TELO2: variants seen among roughly 807,000 people sequenced by gnomAD.
TELO2 encodes the protein telomere maintenance 2, also known as telomere length regulation protein TEL2 homolog.
Under a neutral mutation model 91.0 loss-of-function variants are expected in TELO2, and 71 were observed. That is an observed-to-expected ratio of 0.78 (90% confidence interval 0.64 to 0.95). TELO2 has a LOEUF of 0.95. Ranked by LOEUF, TELO2 falls within the 40% of genes least tolerant of loss-of-function variation. The probability of loss-of-function intolerance (pLI) is 0.00; values close to 1 mark genes in which losing one functional copy is unlikely to be tolerated. For synonymous variants in TELO2, 584 were observed against 518.9 expected, an observed-to-expected ratio of 1.13 and a Z score of -1.71; for missense variants, 1,183 against 1,141.3, an observed-to-expected ratio of 1.04 and a Z score of -0.53.
Position 1,494,276 on chromosome 16 carries a change from T to C in TELO2, c.-6T>C, listed in dbSNP as rs748095247. The C allele has an allele frequency of 1.4e-5, 22 of 1,610,974 alleles. No individual in the cohort carries two copies. The highest frequency in any genetic ancestry group is 1.8e-5 in the Non-Finnish European group (21 of 1,178,482). ...CTTCCCGTGACGCCCAGATCTGTCC[T>C]GCAGGATGGAGCCAGCACCCTCAGA... is the stretch of plus-strand genomic sequence containing the variant. On this transcript the variant is annotated 5_prime_UTR_variant, in exon 2 of 21. Transcript: ENST00000262319. The surrounding 1 kb of genome is among the most constrained non-coding windows in gnomAD (Gnocchi z 5.6).
Position 1,499,243 on chromosome 16 carries a change from T to A in TELO2, c.843T>A (p.Leu281=), listed in dbSNP as rs758900311. The A allele has an allele frequency of 6.2e-6, 10 of 1,613,844 alleles. No homozygotes were observed. The highest frequency in any genetic ancestry group is 5.9e-6 in the Non-Finnish European group (7 of 1,180,012). ...LVEAALGPEV[L]SRLLGNLVVK... ...CTCTGTCTTGCAGGCCTGAGGTCCTTTCGAGACTGCTGGGGAACCTGGTGG... is the reference window on the plus strand; with the variant it reads ...CTCTGTCTTGCAGGCCTGAGGTCCTATCGAGACTGCTGGGGAACCTGGTGG... Residue 281 remains leucine (L), a synonymous_variant, in exon 6 of 21, where the codon CTT becomes CTA. Coordinates refer to ENST00000262319, the MANE Select transcript of TELO2 (RefSeq NM_016111.4).
rs900147060 is a variant in TELO2 at position 1,500,590 on chromosome 16, T to A, written c.1172T>A (p.Val391Glu). ...CTGCTGGCCAGCATGATGGCGGGCG[T>A]GAAGTGCCGCCTGGACAGTAGCCTG... ...DELLASMMAG[V>E]KCRLDSSLPP... Residue 391 changes from valine (V) to glutamate (E), a missense_variant, in exon 9 of 21, where the codon GTG (valine) becomes GAG (glutamate). Transcript: ENST00000262319. The A allele has an allele frequency of 2.5e-6, 4 of 1,611,828 alleles. No individual in the cohort carries two copies. The African/African-American group carries it at 5.3e-5, about 22-fold the overall frequency.
rs1422573902 is a variant in TELO2 at position 1,497,547 on chromosome 16, G to A, written c.830+39G>A. 7.9e-6 allele frequency: 12 copies of A among 1,522,630 alleles called. No individual in the cohort carries two copies. Among genetic ancestry groups the A allele is most frequent in the Admixed American group, 6.0e-5 (3 of 49,936 alleles). The allele number at this position is 1,522,630 out of a possible 1,614,324, so 94.3% of individuals were successfully genotyped here. On this transcript the variant is annotated intron_variant, in intron 5 of 20. Transcript: ENST00000262319. The surrounding 1 kb of genome is among the most constrained non-coding windows in gnomAD (Gnocchi z 4.0). ...CTGTCCTCCAGCTGCACTGGCTTCTGGGGTCTGGACCCCCAGAGGCTGCCA... is the reference window on the plus strand; with the variant it reads ...CTGTCCTCCAGCTGCACTGGCTTCTAGGGTCTGGACCCCCAGAGGCTGCCA...
Position 1,502,417 on chromosome 16 carries a change from C to T in TELO2, c.1653+13C>T, listed in dbSNP as rs779745572. On this transcript the variant is annotated intron_variant, in intron 13 of 20. Coordinates refer to ENST00000262319, the MANE Select transcript of TELO2 (RefSeq NM_016111.4). ...AGCCACTCGGGAGGTGAGTGGGGGG[C>T]GGGAGTGGGTGGGGAGGCCCAAGAT... 2.0e-5 allele frequency: 26 copies of T among 1,330,908 alleles called. No homozygotes were observed. Among genetic ancestry groups the T allele is most frequent in the African/African-American group, 4.3e-5 (3 of 70,112 alleles). 82.4% of individuals were successfully genotyped at this position (1,330,908 alleles called of 1,614,324 possible).
intron 14 of TELO2, 81 bp downstream of exon 14, chr16:1,502,842 T>G: frequency 6.2e-7 from 1 of 1,602,886 alleles, no homozygotes; most frequent in Non-Finnish European, 8.5e-7. Context: ...GTCTCGGTCC[T>G]GTGCTGGAGC....
chr16:1,509,988 GAGC>G lies in TELO2; in HGVS notation c.*56_*58del. 6.7e-7 allele frequency: 1 copy of G among 1,492,188 alleles called. No homozygotes were observed. The allele number at this position is 1,492,188 out of a possible 1,614,324, so 92.4% of individuals were successfully genotyped here. On this transcript the variant is annotated 3_prime_UTR_variant, in exon 21 of 21. Transcript: ENST00000262319. ...CTCGCCGACAGCAAGGCAGGCGGCT[GAGC>G]AGCGGCCTGGAGCAGCAGAGCCAGG... is the stretch of plus-strand genomic sequence containing the variant.
rs2141070143 is a variant in TELO2, at chr16:1,507,363, A to G, written c.2284A>G (p.Ile762Val). The G allele has an allele frequency of 6.2e-7, 1 of 1,610,796 alleles. No individual in the cohort carries two copies. ...ATTCGTGTGGGCCCTTCGCTTCCAC[A>G]TCGATGCGTGAGTGGCCTGTGGGGC... ...LEFVWALRFHIDAYVRQGLLS... is the reference protein window; with the variant it reads ...LEFVWALRFHVDAYVRQGLLS... Residue 762 changes from isoleucine (I) to valine (V), a missense_variant, in exon 19 of 21, where the codon ATC becomes GTC. Physicochemically the swap from Ile to Val is conservative, Grantham distance 29. Coordinates refer to ENST00000262319, the MANE Select transcript of TELO2 (RefSeq NM_016111.4).
chr16:1,501,381 A>T, intron 9 of TELO2, 39 bp from the exon 10 acceptor site: 1 of 1,598,588 alleles, frequency 6.3e-7, no homozygotes, highest in Non-Finnish European at 8.5e-7. Context: ...GGGGCGCTGC[A>T]GCCTGGCGGA....
In TELO2 at chr16:1,501,485, C is replaced by T. The variant is rs770245204; in HGVS notation, c.1347C>T (p.Gly449=). 3.2e-5 allele frequency: 52 copies of T among 1,609,924 alleles called. No individual in the cohort carries two copies. The highest frequency in any genetic ancestry group is 1.6e-4 in the East Asian group (7 of 44,800). ...ALASPQPAGD[G]ASEAGTSLVP... is the part of the protein sequence containing the mutation. Reference sequence around the variant, plus strand: ...CCTCCCCCCAGCCTGCGGGTGACGGCGCCTCGGAGGCGGGGTGAGGGTCTC... The same window carrying T: ...CCTCCCCCCAGCCTGCGGGTGACGGTGCCTCGGAGGCGGGGTGAGGGTCTC... Residue 449 remains glycine, a synonymous_variant, in exon 10 of 21, where the codon GGC becomes GGT. Transcript: ENST00000262319.
rs570083547 is a variant in TELO2 at position 1,500,977 on chromosome 16, G to A, written c.1281+278G>A. ...GGGGCCCGAGGGAGGCTGGGGTTAA[G>A]GGGGCCACCCCCTGCAGTTTGTCCG... On this transcript the variant is annotated intron_variant, in intron 9 of 20. Transcript: ENST00000262319. 7.2e-5 allele frequency among the ~76,000 whole-genome samples: 11 copies of A among 152,348 alleles called. No individual in the cohort carries two copies. In the South Asian group the frequency reaches 2.1e-3, roughly 29 times the overall value.
At chr16:1,504,707 G>T (rs1008273940) in intron 15 of TELO2, among the ~76,000 whole-genome samples, 3 of 151,082 alleles carry the variant, frequency 2.0e-5, no homozygotes, top group Non-Finnish European at 4.4e-5. Context: ...ACAGGCGCCC[G>T]CCACCACGCC....
At chr16:1,502,010 G>C (rs370049705) in intron 11 of TELO2, 37 bp from the exon 12 acceptor site, 1 of 1,612,272 alleles carries the variant, frequency 6.2e-7, no homozygotes, top group Non-Finnish European at 8.5e-7. Flanking sequence ...CCTGTCACAG[G>C]CCATGGGCTG....
In TELO2 at chr16:1,493,682, T is replaced by G. The variant is rs1399417315; in HGVS notation, c.-37+77T>G. The G allele has an allele frequency of 6.5e-6, 1 of 154,226 alleles. No homozygotes were observed. The highest frequency in any genetic ancestry group is 2.4e-5 in the African/African-American group (1 of 41,390). 9.6% of individuals were successfully genotyped at this position (154,226 alleles called of 1,614,324 possible). A position where few individuals can be genotyped will look rare whatever the true frequency, so the allele number is the denominator to read the frequency against. ...GGGCTCCAGGTCTGGTTGGGTCGGG[T>G]CCAGGTCGGGTAGGAGTCCGGTCGG... On this transcript the variant is annotated intron_variant, in intron 1 of 20. Coordinates refer to ENST00000262319, the MANE Select transcript of TELO2 (RefSeq NM_016111.4). The surrounding 1 kb of genome is among the most constrained non-coding windows in gnomAD (Gnocchi z 4.3).
intron 15 of TELO2, 92 bp downstream of exon 15, chr16:1,503,094 C>G: frequency 2.1e-6 from 3 of 1,450,044 alleles, no homozygotes; most frequent in Non-Finnish European, 2.9e-6. Flanking sequence ...TTGCTGGGCC[C>G]CAAGGGCTCG....
intron 20 of TELO2, among the ~76,000 whole-genome samples, chr16:1,508,321 T>C (rs1421802489): frequency 6.6e-6 from 1 of 152,104 alleles, no homozygotes; most frequent in African/African-American, 2.4e-5. Flanking sequence ...TTAGTAGAGA[T>C]GGGATTTCAC....
chr16:1,502,718 G>A lies in TELO2; in HGVS notation c.1727G>A (p.Arg576His), dbSNP rs779619369. The change falls in exon 14 of 21, where the codon CGC becomes CAC. Residue 576 changes from arginine to histidine, a missense_variant. Arg to His is a conservative substitution (Grantham distance 29). Transcript: ENST00000262319. Reference protein sequence around the residue: ...KTCVVGFAGLRQRALVAVTVT... With the variant: ...KTCVVGFAGLHQRALVAVTVT... Reference sequence around the variant, plus strand: ...TGTGTGGTGGGATTTGCAGGGCTGCGCCAGAGAGCCCTGGTGGCCGTCACG... The same window carrying A: ...TGTGTGGTGGGATTTGCAGGGCTGCACCAGAGAGCCCTGGTGGCCGTCACG... 2.0e-5 allele frequency: 33 copies of A among 1,612,620 alleles called. No homozygotes were observed. In the East Asian group the frequency reaches 5.3e-4, roughly 26 times the overall value.
In TELO2 at chr16:1,505,508, GGCAGCC is replaced by G; in HGVS notation, c.1943_1948del (p.Ala648_Ala649del). The G allele has an allele frequency of 6.2e-7, 1 of 1,613,126 alleles. No individual in the cohort carries two copies. The highest frequency in any genetic ancestry group is 8.5e-7 in the Non-Finnish European group (1 of 1,179,990). On this transcript the variant is annotated inframe_deletion, in exon 16 of 21. Coordinates refer to ENST00000262319, the MANE Select transcript of TELO2 (RefSeq NM_016111.4). The surrounding 1 kb of genome is among the most constrained non-coding windows in gnomAD (Gnocchi z 4.3). ...GTCCCAACACCCCGTGCCTGCCAGA[GGCAGCC>G]GTCTCTCAGCCTGGCAGTGCCGTGG... is the stretch of plus-strand genomic sequence containing the variant.
In TELO2 at chr16:1,505,902, G is replaced by A. The variant is rs983411565; in HGVS notation, c.2034+301G>A. Among the ~76,000 whole-genome samples, 27 of 152,310 alleles carry A rather than the reference G, an allele frequency of 1.8e-4. No homozygotes were observed. Among genetic ancestry groups the A allele is most frequent in the African/African-American group, 5.5e-4 (23 of 41,568 alleles). On this transcript the variant is annotated intron_variant, in intron 16 of 20. Transcript: ENST00000262319. The surrounding 1 kb of genome is among the most constrained non-coding windows in gnomAD (Gnocchi z 4.3). ...GCTCCACCTGAGGATGTTTAGGGGC[G>A]TCTGGAGATGTTTTTGGTTGTCACT...
intron 16 of TELO2, 126 bp from the exon 17 acceptor site, chr16:1,506,112 A>G: frequency 9.6e-7 from 1 of 1,045,562 alleles, no homozygotes; most frequent in Non-Finnish European, 1.4e-6. Flanking sequence ...CGGGGCCGGA[A>G]GAGTAGCCCG....
Sources: gnomAD v4.1 joint callset for allele counts (sites outside exome capture counted in the v4.1 genomes callset) on GRCh38, gnomAD v4.1.1 for gene constraint, Gnocchi (gnomAD v3.1) non-coding constraint, MANE v1.5 for transcripts, NCBI Gene and HGNC (gene_info 2026-07-23, HGNC 2026-07-21) for gene names.